Variants in CACNA1E observed in about 807,000 individuals in gnomAD.
CACNA1E encodes the protein voltage-dependent R-type calcium channel subunit alpha-1E.
CACNA1E carries 40 observed loss-of-function variants against 259.2 expected under a neutral mutation model. The observed-to-expected ratio is 0.15, with a 90% confidence interval of 0.12 to 0.20. The LOEUF (loss-of-function observed/expected upper bound fraction) is 0.20. Among genes scored for constraint, CACNA1E ranks in the 10% least tolerant of loss-of-function variants. The pLI, the probability that CACNA1E is intolerant of heterozygous loss-of-function variation, is 1.00. For synonymous variants in CACNA1E, 1,104 were observed against 1,138.5 expected, an observed-to-expected ratio of 0.97 and a Z score of 0.61; for missense variants, 1,874 against 3,040.1, an observed-to-expected ratio of 0.62 and a Z score of 9.02.
At chr1:181,606,507 G>A (rs562737336) in intron 6 of CACNA1E, among the ~76,000 whole-genome samples, 92 of 152,206 alleles carry the variant, frequency 6.0e-4, no homozygotes, top group African/African-American at 1.6e-3. Context: ...CATCTTCTTT[G>A]CCCCTGATGA....
chr1:181,365,472 G>A (rs1002729338), intron 1 of CACNA1E, among the ~76,000 whole-genome samples: 3 of 152,234 alleles, frequency 2.0e-5, no homozygotes, highest in Admixed American at 1.3e-4. Context: ...GCACCTGGCC[G>A]ATCCTAGCCT....
chr1:181,787,491 C>G (rs1660947898), intron 43 of CACNA1E, among the ~76,000 whole-genome samples: 1 of 152,172 alleles, frequency 6.6e-6, no homozygotes, highest in African/African-American at 2.4e-5. Context: ...CAAATTAACC[C>G]ACCACCATAG....
At chr1:181,582,306 G>A (rs180734644) in intron 6 of CACNA1E, among the ~76,000 whole-genome samples, 178 of 152,360 alleles carry the variant, frequency 1.2e-3, no homozygotes, top group African/African-American at 3.7e-3. Flanking sequence ...GGAGGCAGCA[G>A]GAAGGAGGGG....
In CACNA1E at chr1:181,524,329, G is replaced by A. The variant is rs189648161; in HGVS notation, c.512+12819G>A. On this transcript the variant is annotated intron_variant, in intron 3 of 47. Coordinates refer to ENST00000367573, the MANE Select transcript of CACNA1E (RefSeq NM_001205293.3). ...TTTTTAAAAAAGAGCAATCTAATTG[G>A]AATAGAATGTATGTGTGGTCCTAAG... Among the ~76,000 whole-genome samples, 409 of 152,284 alleles carry A rather than the reference G, an allele frequency of 2.7e-3. 1 individual carries two copies. The highest frequency in any genetic ancestry group is 4.3e-3 in the Non-Finnish European group (291 of 68,018).
intron 1 of CACNA1E, among the ~76,000 whole-genome samples, chr1:181,386,802 G>GGC (rs1655884120): frequency 6.6e-6 from 1 of 152,112 alleles, no homozygotes; most frequent in South Asian, 2.1e-4. Flanking sequence ...CAACTCTTAA[G>GGC]CCTTCCCCAA....
At chr1:181,319,134 C>T (rs1289206966) in intron 1 of CACNA1E, among the ~76,000 whole-genome samples, 1 of 152,112 alleles carries the variant, frequency 6.6e-6, no homozygotes, top group Non-Finnish European at 1.5e-5. Context: ...TGGGTGCGTG[C>T]AGAGATCTGG....
At chr1:181,554,036 G>A (rs1237484896) in intron 3 of CACNA1E, among the ~76,000 whole-genome samples, 2 of 152,056 alleles carry the variant, frequency 1.3e-5, no homozygotes, top group Non-Finnish European at 2.9e-5. Flanking sequence ...GTTGAGCTAG[G>A]GTTTCACTCT....
At chr1:181,699,766 C>T (rs1171748610) in intron 7 of CACNA1E, among the ~76,000 whole-genome samples, 2 of 152,012 alleles carry the variant, frequency 1.3e-5, no homozygotes, top group Admixed American at 1.3e-4. Flanking sequence ...GTAAGACTGC[C>T]AGGAATTGCT....
intron 2 of CACNA1E, among the ~76,000 whole-genome samples, chr1:181,440,983 CAAAAAAAAAAAAAAAAAAAAAAAA>C (rs60257271): frequency 2.6e-5 from 1 of 38,190 alleles, no homozygotes; most frequent in East Asian, 9.9e-4. Context: ...GACCTTGTTT[CAAAAAAAAAAAAAAAAAAAAAAAA>C]AAAAAAAAAA....
upstream of CACNA1E, among the ~76,000 whole-genome samples, chr1:181,478,546 A>G (rs1282400349): frequency 2.6e-5 from 4 of 152,230 alleles, no homozygotes; most frequent in Non-Finnish European, 5.9e-5. Flanking sequence ...ACTGCTTTGC[A>G]TAAGAGTCTA....
intron 7 of CACNA1E, among the ~76,000 whole-genome samples, chr1:181,681,594 T>C (rs1166849227): frequency 6.6e-6 from 1 of 150,558 alleles, no homozygotes; most frequent in African/African-American, 2.4e-5. Flanking sequence ...GACCTAATCA[T>C]GTTACTCCCT....
At chr1:181,713,512 A>G (rs1398937624) in intron 8 of CACNA1E, among the ~76,000 whole-genome samples, 4 of 152,230 alleles carry the variant, frequency 2.6e-5, no homozygotes, top group African/African-American at 9.6e-5. Flanking sequence ...GGTGAGTACC[A>G]TCCCAGCCTT....
chr1:181,562,672 G>T (rs1391416375), intron 3 of CACNA1E, among the ~76,000 whole-genome samples: 1 of 152,180 alleles, frequency 6.6e-6, no homozygotes, highest in Non-Finnish European at 1.5e-5. Flanking sequence ...TTGCCCTCAA[G>T]TTAAACTTGG....
intron 1 of CACNA1E, among the ~76,000 whole-genome samples, chr1:181,400,241 T>A (rs1162858850): frequency 1.3e-5 from 2 of 152,264 alleles, no homozygotes; most frequent in Non-Finnish European, 2.9e-5. Context: ...CTTGATCTTT[T>A]TAAATTTATG....
chr1:181,554,780 A>G (rs938041081), intron 3 of CACNA1E, among the ~76,000 whole-genome samples: 2 of 151,996 alleles, frequency 1.3e-5, no homozygotes, highest in Admixed American at 1.3e-4. Context: ...GAATCAAGAC[A>G]TTTGCTCAGG....
chr1:181,361,887 G>C (rs1653909570), intron 1 of CACNA1E, among the ~76,000 whole-genome samples: 1 of 152,180 alleles, frequency 6.6e-6, no homozygotes, highest in Non-Finnish European at 1.5e-5. Flanking sequence ...CTCCAGTCTA[G>C]ACATTAATGA....
chr1:181,681,161 T>C (rs952868823), intron 7 of CACNA1E, among the ~76,000 whole-genome samples: 2 of 152,194 alleles, frequency 1.3e-5, no homozygotes, highest in South Asian at 4.1e-4. Context: ...GGGTTCTGGG[T>C]GGTTCTCCAC....
chr1:181,570,473 A>G (rs1257031085), intron 3 of CACNA1E, among the ~76,000 whole-genome samples: 1 of 152,240 alleles, frequency 6.6e-6, no homozygotes, highest in African/African-American at 2.4e-5. Context: ...CTTCTGTAAC[A>G]AATGACCACA....
At position 181,711,107 on chromosome 1, in the gene CACNA1E, T is replaced by G. The variant is rs779982936; in HGVS notation, c.1171+38T>G. On this transcript the variant is annotated intron_variant, in intron 8 of 47. Transcript: ENST00000367573. ...GGCTGCAGGAGGCTGGTGAGTGGGCTGCAGAGACATCAGGGCCGGCCCCTC... is the reference window on the plus strand; with the variant it reads ...GGCTGCAGGAGGCTGGTGAGTGGGCGGCAGAGACATCAGGGCCGGCCCCTC... 4.3e-6 allele frequency: 6 copies of G among 1,388,026 alleles called. No individual in the cohort carries two copies. The South Asian group carries it at 5.8e-5, about 13-fold the overall frequency. 86.0% of individuals were successfully genotyped at this position (1,388,026 alleles called of 1,614,324 possible). A position where few individuals can be genotyped will look rare whatever the true frequency, so the allele number is the denominator to read the frequency against.
Sources: gnomAD v4.1 joint callset for allele counts (sites outside exome capture counted in the v4.1 genomes callset) on GRCh38, gnomAD v4.1.1 for gene constraint, MANE v1.5 for transcripts, NCBI Gene and HGNC (gene_info 2026-07-23, HGNC 2026-07-21) for gene names.